The following PCDH19 variants were observed in gnomAD, a reference collection of about 807,000 sequenced individuals.
PCDH19 encodes protocadherin 19.
PCDH19 carries 6 observed loss-of-function variants against 46.2 expected under a neutral mutation model. The observed-to-expected ratio is 0.13, with a 90% CI of 0.07 to 0.26. The LOEUF is 0.26. Among genes scored for constraint, PCDH19 ranks in the 10% least tolerant of loss-of-function variants. PCDH19 has a pLI of 1.00. For synonymous variants in PCDH19, 481 were observed against 415.7 expected, an observed-to-expected ratio of 1.16 and a Z score of -1.91; for missense variants, 740 against 972.3, an observed-to-expected ratio of 0.76 and a Z score of 3.18.
intron 3 of PCDH19, among the ~76,000 whole-genome samples, chrX:100,402,071 A>T (rs1358487299): frequency 8.9e-6 from 1 of 112,234 alleles, no homozygotes; most frequent in Non-Finnish European, 1.9e-5. Flanking sequence ...TGATGTGACG[A>T]AAGAAAAAGC....
chrX:100,327,054 A>G (rs1925716620), intron 5 of PCDH19, among the ~76,000 whole-genome samples: 1 of 112,178 alleles, frequency 8.9e-6, no homozygotes, highest in African/African-American at 3.2e-5. Context: ...GGACTGCTTA[A>G]AGTGTGAACA....
chrX:100,310,750 T>C (rs992448239), intron 5 of PCDH19, among the ~76,000 whole-genome samples: 1 of 109,449 alleles, frequency 9.1e-6, no homozygotes, highest in African/African-American at 3.3e-5. Flanking sequence ...AATCAGTTAT[T>C]TGACTTGGTG....
intron 3 of PCDH19, among the ~76,000 whole-genome samples, chrX:100,363,676 A>C (rs1926969844): frequency 9.9e-6 from 1 of 101,426 alleles, no homozygotes; most frequent in Non-Finnish European, 2.0e-5. Context: ...TGATAAATAT[A>C]TATAAAACAT....
intron 5 of PCDH19, 26 bp from the exon 6 acceptor site, chrX:100,296,901 T>A (rs1320560801): frequency 9.7e-6 from 11 of 1,137,516 alleles, no homozygotes; most frequent in Non-Finnish European, 1.3e-5. Flanking sequence ...AAAATATCAA[T>A]TTCATCAGCT....
At chrX:100,342,520 C>T (rs1926281848) in intron 4 of PCDH19, among the ~76,000 whole-genome samples, 1 of 111,701 alleles carries the variant, frequency 9.0e-6, no homozygotes, top group Non-Finnish European at 1.9e-5. Context: ...GAGAAAGGTG[C>T]TACTAATATT....
intron 3 of PCDH19, among the ~76,000 whole-genome samples, chrX:100,363,886 T>TGTGTGTGTGAGA (rs1207488480): frequency 0.017 from 1,675 of 97,979 alleles, 16 homozygotes; most frequent in Middle Eastern, 0.065. Context: ...TGTGTGTGTG[T>TGTGTGTGTGAGA]GAGAGAGAGG....
chrX:100,399,870 C>T (rs895065022), intron 3 of PCDH19, among the ~76,000 whole-genome samples: 4 of 112,305 alleles, frequency 3.6e-5, no homozygotes, highest in African/African-American at 1.3e-4. Context: ...AGGATCAGAA[C>T]TGAGATTTTA....
chrX:100,407,683 G>A lies in PCDH19; in HGVS notation c.915C>T (p.Asp305=), dbSNP rs1381662261. The change falls in exon 1 of 6, where the codon GAC becomes GAT. Residue 305 remains aspartate (D), a synonymous_variant. Coordinates refer to ENST00000373034, the MANE Select transcript of PCDH19 (RefSeq NM_001184880.2). The stretch of plus-strand genomic sequence containing the variant: ...GTTCGTACACGTGCCCCTCTTCGTA[G>A]TCTAAAGCGCCAGTGACAGTGACCA... ...SGLVTVTGAL[D]YEEGHVYELD... is the part of the protein sequence containing the mutation. 7 of 1,211,104 alleles carry A rather than the reference G, an allele frequency of 5.8e-6. No individual in the cohort carries two copies. The highest frequency in any genetic ancestry group is 7.8e-6 in the Non-Finnish European group (7 of 895,451).
Position 100,408,004 on chromosome X carries a change from G to C in PCDH19, c.594C>G (p.Arg198=), listed in dbSNP as rs370348930. 1.4e-5 allele frequency: 17 copies of C among 1,206,836 alleles called. No homozygotes were observed. The African/African-American group carries it at 1.7e-4, about 12-fold the overall frequency. Residue 198 remains arginine (R), a synonymous_variant, in exon 1 of 6, where the codon CGC becomes CGG. Coordinates refer to ENST00000373034, the MANE Select transcript of PCDH19 (RefSeq NM_001184880.2). ...GGAAGCTGTAGTGCGACTGCGTCTCGCGGTCCAGGCTCTTTTCCACCACGA... is the reference window on the plus strand; with the variant it reads ...GGAAGCTGTAGTGCGACTGCGTCTCCCGGTCCAGGCTCTTTTCCACCACGA... ...AELVVEKSLD[R]ETQSHYSFRI... is the part of the protein sequence containing the mutation.
chrX:100,403,394 T>C, intron 2 of PCDH19, 130 bp downstream of exon 2: 1 of 592,020 alleles, frequency 1.7e-6, no homozygotes, highest in Admixed American at 3.1e-5. Flanking sequence ...CAGACCCCAT[T>C]CTTTCGCGTC....
intron 3 of PCDH19, among the ~76,000 whole-genome samples, chrX:100,369,175 T>G (rs1361634838): frequency 1.8e-5 from 2 of 111,572 alleles, no homozygotes; most frequent in Non-Finnish European, 3.8e-5. Flanking sequence ...GTGTTCATCT[T>G]CTCAATATTC....
chrX:100,379,347 A>ACACACAC (rs66715683), intron 3 of PCDH19, among the ~76,000 whole-genome samples: 5,962 of 65,205 alleles, frequency 0.091, 218 homozygotes, highest in South Asian at 0.13. Flanking sequence ...ACACACACAC[A>ACACACAC]CATTTCCTCC....
At chrX:100,363,884 T>A (rs370556675) in intron 3 of PCDH19, among the ~76,000 whole-genome samples, 4 of 75,458 alleles carry the variant, frequency 5.3e-5, no homozygotes, top group African/African-American at 5.6e-5. Context: ...TGTGTGTGTG[T>A]GTGAGAGAGA....
intron 5 of PCDH19, among the ~76,000 whole-genome samples, chrX:100,336,371 T>C (rs1195320231): frequency 8.9e-6 from 1 of 112,295 alleles, no homozygotes; most frequent in Non-Finnish European, 1.9e-5. Context: ...ATATTGTTGG[T>C]AGAGTGTTGA....
At position 100,294,590 on chromosome X, in the gene PCDH19, T is replaced by C. The variant is rs914203425; in HGVS notation, c.*1687A>G. ...AGAAAATAAATCCTCTTTTGCATTC[T>C]AGTGCTCTAACCTCTAGGCCTTCTC... On this transcript the variant is annotated 3_prime_UTR_variant, in exon 6 of 6. Coordinates refer to ENST00000373034, the MANE Select transcript of PCDH19 (RefSeq NM_001184880.2). 2 of 111,829 alleles carry C rather than the reference T, an allele frequency of 1.8e-5. No homozygotes were observed. Among genetic ancestry groups the C allele is most frequent in the Non-Finnish European group, 1.9e-5 (1 of 53,164 alleles). The allele number at this position is 111,829 out of a possible 1,213,427, so 9.2% of individuals were successfully genotyped here.
intron 3 of PCDH19, among the ~76,000 whole-genome samples, chrX:100,362,100 C>G (rs56770655): frequency 0.038 from 4,299 of 111,893 alleles, 237 homozygotes; most frequent in East Asian, 0.25. Context: ...CTGTGTCAGA[C>G]AGCATACTCC....
At chrX:100,376,371 T>C (rs760002835) in intron 3 of PCDH19, among the ~76,000 whole-genome samples, 13 of 111,808 alleles carry the variant, frequency 1.2e-4, no homozygotes, top group African/African-American at 3.9e-4. Context: ...TGTGACCTCT[T>C]TCCACTTTGA....
intron 5 of PCDH19, among the ~76,000 whole-genome samples, chrX:100,330,969 C>T (rs375399594): frequency 8.9e-6 from 1 of 112,159 alleles, no homozygotes; most frequent in African/African-American, 3.2e-5. Flanking sequence ...TGTCATTAGG[C>T]CGCCTCAATG....
intron 4 of PCDH19, among the ~76,000 whole-genome samples, chrX:100,348,082 A>C (rs1304416955): frequency 9.3e-6 from 1 of 107,732 alleles, no homozygotes; most frequent in Non-Finnish European, 1.9e-5. Context: ...AAAAAAAAAA[A>C]AAAAGAAAGA....
Sources: gnomAD v4.1 joint callset for allele counts (sites outside exome capture counted in the v4.1 genomes callset) on GRCh38, gnomAD v4.1.1 for gene constraint, MANE v1.5 for transcripts, NCBI Gene and HGNC (gene_info 2026-07-23, HGNC 2026-07-21) for gene names.